The following GTF2I variants were observed in gnomAD, a reference collection of about 807,000 sequenced individuals.
GTF2I encodes the protein general transcription factor II-I.
In GTF2I, 12 loss-of-function variants were observed where a neutral mutation model predicts 67.6. The observed-to-expected ratio is 0.18, with a 90% CI of 0.11 to 0.29. The LOEUF is 0.29. Ranked by LOEUF, GTF2I falls within the 10% of genes least tolerant of loss-of-function variation. The pLI, the probability that GTF2I is intolerant of heterozygous loss-of-function variation, is 1.00. For missense variants in GTF2I, 271 were observed against 580.1 expected, an observed-to-expected ratio of 0.47 and a Z score of 5.47; for synonymous variants, 149 against 197.0, an observed-to-expected ratio of 0.76 and a Z score of 2.04.
In GTF2I at chr7:74,718,896, C is replaced by T; in HGVS notation, c.898C>T (p.Pro300Ser). 1 of 1,554,232 alleles carries T rather than the reference C, an allele frequency of 6.4e-7. No individual in the cohort carries two copies. The highest frequency in any genetic ancestry group is 2.3e-5 in the East Asian group (1 of 43,548). The stretch of plus-strand genomic sequence containing the variant: ...TTTTCAAGATTCTACTCAACATGTC[C>T]CTTCAGAAACAAGTGAGGACCCTGA... Reference protein sequence around the residue: ...VPAEDSTQHVPSETSEDPEVE... With the variant: ...VPAEDSTQHVSSETSEDPEVE... The change falls in exon 12 of 35, where the codon CCT (proline) becomes TCT (serine). Residue 300 changes from proline to serine, a missense_variant. Physicochemically the swap from Pro to Ser is moderately conservative, Grantham distance 74. Transcript: ENST00000573035.
At chr7:74,718,091 C>T (rs587699798) in intron 11 of GTF2I, among the ~76,000 whole-genome samples, 19 of 152,306 alleles carry the variant, frequency 1.2e-4, no homozygotes, top group Non-Finnish European at 1.8e-4. Flanking sequence ...GATGGCTCAC[C>T]GCCTTGCAGC....
chr7:74,699,775 G>A (rs1789483873), intron 4 of GTF2I: 1 of 157,584 alleles, frequency 6.3e-6, no homozygotes, highest in African/African-American at 2.4e-5. Context: ...TTTTCAGTAT[G>A]TGTGAGGCTC....
intron 9 of GTF2I, among the ~76,000 whole-genome samples, chr7:74,714,373 A>G (rs1316077228): frequency 2.6e-5 from 4 of 152,040 alleles, no homozygotes; most frequent in African/African-American, 9.7e-5. Context: ...ATTCAAGGAG[A>G]TGGTTTACGT....
At chr7:74,660,590 T>C (rs888600956) in intron 1 of GTF2I, among the ~76,000 whole-genome samples, 33 of 151,252 alleles carry the variant, frequency 2.2e-4, no homozygotes, top group Non-Finnish European at 3.4e-4. Context: ...ATTTTCTCTC[T>C]TTTTTTTCCT....
At chr7:74,702,486 T>G (rs1368395171) in intron 6 of GTF2I, among the ~76,000 whole-genome samples, 1 of 152,160 alleles carries the variant, frequency 6.6e-6, no homozygotes, top group Non-Finnish European at 1.5e-5. Flanking sequence ...CCTCTCAAAG[T>G]GCTGAGATTA....
intron 12 of GTF2I, among the ~76,000 whole-genome samples, chr7:74,720,947 G>A (rs1433455432): frequency 6.6e-6 from 1 of 152,058 alleles, no homozygotes. Flanking sequence ...AGAAATAAAT[G>A]GCTCATGAAC....
chr7:74,730,745 C>T (rs1233107494), intron 14 of GTF2I, among the ~76,000 whole-genome samples: 1 of 57,972 alleles, frequency 1.7e-5, no homozygotes, highest in Non-Finnish European at 3.1e-5. Context: ...TTTTTTGAGA[C>T]GGAGTCTCTG....
In GTF2I at chr7:74,690,551, G is replaced by A. The variant is rs587598811; in HGVS notation, c.100-422G>A. 2.6e-5 allele frequency among the ~76,000 whole-genome samples: 4 copies of A among 152,226 alleles called. No individual in the cohort carries two copies. In the South Asian group the frequency reaches 8.3e-4, roughly 32 times the overall value. On this transcript the variant is annotated intron_variant, in intron 2 of 34. Coordinates refer to ENST00000573035, the MANE Select transcript of GTF2I (RefSeq NM_032999.4). ...ACCCCCACCCTCCTTTTGTACTGAG[G>A]GCACTAATTGCCCCAGGTGCCATGG...
chr7:74,677,789 A>T (rs1379691838), intron 1 of GTF2I, among the ~76,000 whole-genome samples: 2 of 150,740 alleles, frequency 1.3e-5, no homozygotes, highest in African/African-American at 4.9e-5. Flanking sequence ...CTCAAAAAAA[A>T]AAAAAAAGTA....
chr7:74,703,460 ACC>A (rs1314775635), intron 6 of GTF2I, among the ~76,000 whole-genome samples: 26,990 of 151,846 alleles, frequency 0.18, 4,520 homozygotes, highest in African/African-American at 0.45. Flanking sequence ...GCTCACTGCA[ACC>A]TCTGCCTCCC....
At chr7:74,726,834 C>CAGAT (rs57656763) in intron 12 of GTF2I, 39,079 of 137,276 alleles carry the variant, frequency 0.28, 5,906 homozygotes, top group Non-Finnish European at 0.32. Context: ...ACCCTCCCGA[C>CAGAT]AGATAGATAG....
At chr7:74,677,813 C>T (rs1258712795) in intron 1 of GTF2I, among the ~76,000 whole-genome samples, 1 of 127,482 alleles carries the variant, frequency 7.8e-6, no homozygotes, top group Non-Finnish European at 1.6e-5. Flanking sequence ...TTGGGTTTTA[C>T]AGTTTTTCCT....
At position 74,691,586 on chromosome 7, in the gene GTF2I, A is replaced by G. The variant is rs587751041; in HGVS notation, c.238+475A>G. ...GAAATGTTTATGGAGACATTTCAAA[A>G]TGCTCAAAAGGAATCACTGAAATAT... On this transcript the variant is annotated intron_variant, in intron 3 of 34. Coordinates refer to ENST00000573035, the MANE Select transcript of GTF2I (RefSeq NM_032999.4). Among the ~76,000 whole-genome samples the G allele has an allele frequency of 4.9e-4, 75 of 152,362 alleles. 1 individual carries two copies. The highest frequency in any genetic ancestry group is 1.8e-3 in the African/African-American group (73 of 41,596).
At chr7:74,677,305 CTT>C (rs1436931008) in intron 1 of GTF2I, among the ~76,000 whole-genome samples, 66 of 152,222 alleles carry the variant, frequency 4.3e-4, no homozygotes, top group African/African-American at 1.5e-3. Context: ...TGAATTTTAA[CTT>C]TTTCTTACCA....
At chr7:74,660,621 CT>C (rs35605839) in intron 1 of GTF2I, among the ~76,000 whole-genome samples, 2,500 of 124,454 alleles carry the variant, frequency 0.02, 68 homozygotes, top group African/African-American at 0.071. Flanking sequence ...CTTTTCTTTT[CT>C]TTTTTTTTTT....
chr7:74,706,488 G>A, intron 8 of GTF2I, 55 bp downstream of exon 8: 3 of 1,305,764 alleles, frequency 2.3e-6, no homozygotes, highest in African/African-American at 1.4e-5. Context: ...CTTTTCCTTA[G>A]TGTAGAAGTT....
intron 12 of GTF2I, among the ~76,000 whole-genome samples, chr7:74,721,661 C>T (rs1793020469): frequency 6.6e-6 from 1 of 151,996 alleles, no homozygotes; most frequent in Non-Finnish European, 1.5e-5. Context: ...CTTACATGCA[C>T]ACCTCTGGTT....
chr7:74,706,495 A>G, intron 8 of GTF2I, 62 bp downstream of exon 8: 1 of 1,228,154 alleles, frequency 8.1e-7, no homozygotes, highest in Non-Finnish European at 1.2e-6. Flanking sequence ...TTAGTGTAGA[A>G]GTTTATAGTT....
intron 6 of GTF2I, among the ~76,000 whole-genome samples, chr7:74,703,382 T>C (rs1213673073): frequency 6.6e-6 from 1 of 152,076 alleles, no homozygotes; most frequent in Non-Finnish European, 1.5e-5. Flanking sequence ...TTTTGTTAAC[T>C]TGTGCTTTTT....
Sources: gnomAD v4.1 joint callset for allele counts (sites outside exome capture counted in the v4.1 genomes callset) on GRCh38, gnomAD v4.1.1 for gene constraint, MANE v1.5 for transcripts, NCBI Gene and HGNC (gene_info 2026-07-23, HGNC 2026-07-21) for gene names.